CLVS1: variants seen among roughly 807,000 people sequenced by gnomAD.
The protein encoded by CLVS1 is clavesin 1.
CLVS1 carries 10 observed loss-of-function variants against 33.1 expected under a neutral mutation model. The observed-to-expected ratio is 0.30, with a 90% confidence interval of 0.19 to 0.51. The LOEUF is 0.51. CLVS1 is among the 20% of genes least tolerant of loss of function. CLVS1 has a pLI of 0.97. For synonymous variants in CLVS1, 163 were observed against 166.1 expected (o/e 0.98, Z 0.14); for missense variants, 343 against 433.4 (o/e 0.79, Z 1.85).
intron 2 of CLVS1, among the ~76,000 whole-genome samples, chr8:61,206,411 G>GT (rs999561729): frequency 4.6e-5 from 7 of 152,148 alleles, no homozygotes; most frequent in African/African-American, 1.4e-4. Context: ...AGGGATATCA[G>GT]TTTTTTCTGT....
chr8:61,250,050 T>A (rs555344149), intron 2 of CLVS1, among the ~76,000 whole-genome samples: 2 of 152,360 alleles, frequency 1.3e-5, no homozygotes, highest in African/African-American at 4.8e-5. Flanking sequence ...TGGTTTTAAG[T>A]CTTACATTTA....
chr8:61,101,550 T>G (rs1805450136), intron 1 of CLVS1, among the ~76,000 whole-genome samples: 1 of 152,204 alleles, frequency 6.6e-6, no homozygotes, highest in Admixed American at 6.5e-5. Flanking sequence ...TGCAAAATTT[T>G]TATCCCATTC....
intron 2 of CLVS1, among the ~76,000 whole-genome samples, chr8:61,214,834 C>G (rs1808050989): frequency 6.6e-6 from 1 of 152,172 alleles, no homozygotes; most frequent in Non-Finnish European, 1.5e-5. Context: ...TTCTGGCCCA[C>G]TTGGCAGCTC....
At chr8:61,182,649 C>T (rs866202669) in intron 2 of CLVS1, among the ~76,000 whole-genome samples, 17 of 152,280 alleles carry the variant, frequency 1.1e-4, no homozygotes, top group South Asian at 8.3e-4. Context: ...ACGTCAGTCA[C>T]AATGACGATT....
At chr8:61,433,596 G>A (rs190832072) in intron 3 of CLVS1, among the ~76,000 whole-genome samples, 236 of 152,104 alleles carry the variant, frequency 1.6e-3, no homozygotes, top group African/African-American at 5.2e-3. Flanking sequence ...ATGCTTACAC[G>A]GTGCCCTGGA....
At chr8:61,121,029 C>T (rs897768690) in intron 1 of CLVS1, among the ~76,000 whole-genome samples, 3 of 151,118 alleles carry the variant, frequency 2.0e-5, no homozygotes, top group Admixed American at 6.6e-5. Flanking sequence ...AGCGAGACTC[C>T]GTGGGCGTAG....
chr8:61,237,074 A>G (rs1563457146), intron 2 of CLVS1, among the ~76,000 whole-genome samples: 1 of 152,202 alleles, frequency 6.6e-6, no homozygotes, highest in African/African-American at 2.4e-5. Context: ...GAGAAATATA[A>G]CCAGGGGAGG....
chr8:61,106,137 C>A (rs1805533819), intron 1 of CLVS1, among the ~76,000 whole-genome samples: 1 of 152,200 alleles, frequency 6.6e-6, no homozygotes, highest in African/African-American at 2.4e-5. Context: ...TGCTCCTTCC[C>A]TGGAAGAGGT....
At chr8:61,407,019 A>G (rs2129603831) in intron 3 of CLVS1, among the ~76,000 whole-genome samples, 1 of 152,330 alleles carries the variant, frequency 6.6e-6, no homozygotes, top group South Asian at 2.1e-4. Flanking sequence ...ATAATTAGTG[A>G]TCATTTTAAT....
At chr8:61,009,770 G>C in the CLVS1 span, among the ~76,000 whole-genome samples, 3 of 152,152 alleles carry the variant, frequency 2.0e-5, no homozygotes, top group African/African-American at 7.2e-5. Context: ...CACTGCCGAT[G>C]GGGTGGGAGA....
At chr8:61,063,215 T>G in intron 1 of CLVS1, among the ~76,000 whole-genome samples, 1 of 117,660 alleles carries the variant, frequency 8.5e-6, no homozygotes, top group Non-Finnish European at 1.9e-5. Flanking sequence ...GCATTGAATG[T>G]TATATTAGCC....
chr8:61,498,770 TC>T (rs946068691), intron 5 of CLVS1, among the ~76,000 whole-genome samples: 17 of 152,270 alleles, frequency 1.1e-4, no homozygotes, highest in African/African-American at 4.1e-4. Context: ...AGGTAATACT[TC>T]TAGTATACAG....
chr8:61,203,765 C>A (rs956996741), intron 2 of CLVS1, among the ~76,000 whole-genome samples: 1 of 152,218 alleles, frequency 6.6e-6, no homozygotes, highest in African/African-American at 2.4e-5. Context: ...GCTTTCTGAA[C>A]ATCCTTGGAT....
chr8:61,044,596 A>C, the CLVS1 span, among the ~76,000 whole-genome samples: 1 of 152,194 alleles, frequency 6.6e-6, no homozygotes, highest in Non-Finnish European at 1.5e-5. Context: ...TTCTTATGAG[A>C]CCAGTTGAAG....
intron 3 of CLVS1, among the ~76,000 whole-genome samples, chr8:61,411,660 G>C (rs1000221079): frequency 2.0e-5 from 3 of 152,204 alleles, no homozygotes. Context: ...TGTCACATTT[G>C]TGGTCACAGG....
chr8:61,320,461 C>T, intron 2 of CLVS1, among the ~76,000 whole-genome samples: 2 of 152,072 alleles, frequency 1.3e-5, no homozygotes, highest in East Asian at 3.9e-4. Context: ...TAGATCTGTA[C>T]TAAATTAACT....
At chr8:61,497,397 G>A (rs1027064988) in intron 5 of CLVS1, among the ~76,000 whole-genome samples, 1 of 140,614 alleles carries the variant, frequency 7.1e-6, no homozygotes, top group African/African-American at 2.6e-5. Flanking sequence ...GCAAAGTGTT[G>A]TCAACCAAGG....
chr8:61,216,819 T>C lies in CLVS1; in HGVS notation c.-151-82858T>C, dbSNP rs146591435. Among the ~76,000 whole-genome samples, 662 of 152,322 alleles carry C rather than the reference T, an allele frequency of 4.3e-3. 3 individuals are homozygous for C. Among genetic ancestry groups the C allele is most frequent in the Non-Finnish European group, 7.4e-3 (501 of 68,018 alleles). ...GCCTAGCAGATAGTTTCTGACCATG[T>C]GAAATTTGGGCAGATTTCTTATTGG... On this transcript the variant is annotated intron_variant, in intron 2 of 2. Coordinates refer to the CLVS1 transcript ENST00000522621.
At chr8:61,169,726 C>A (rs1178447528) in intron 2 of CLVS1, among the ~76,000 whole-genome samples, 1 of 152,160 alleles carries the variant, frequency 6.6e-6, no homozygotes, top group Non-Finnish European at 1.5e-5. Context: ...CTTTCCCTCT[C>A]CCCTATAAAG....
Sources: gnomAD v4.1 joint callset for allele counts (sites outside exome capture counted in the v4.1 genomes callset) on GRCh38, gnomAD v4.1.1 for gene constraint, MANE v1.5 for transcripts, NCBI Gene and HGNC (gene_info 2026-07-23, HGNC 2026-07-21) for gene names.